The following ALMS1 variants were observed in gnomAD, a reference collection of about 807,000 sequenced individuals.
The protein encoded by ALMS1 is ALMS1 centrosome and basal body associated protein, also known as centrosome-associated protein ALMS1.
In ALMS1, 271 loss-of-function variants were observed where a neutral mutation model predicts 352.2. That is an observed-to-expected ratio of 0.77 (90% CI 0.70 to 0.85). The LOEUF (loss-of-function observed/expected upper bound fraction) is 0.85, where lower values mean the gene tolerates loss of function less well. ALMS1 is among the 40% of genes least tolerant of loss of function. The pLI is 0.00. For missense variants in ALMS1, 5,445 were observed against 4,870.7 expected, an observed-to-expected ratio of 1.12 and a Z score of -3.51; for synonymous variants, 1,865 against 1,761.2, an observed-to-expected ratio of 1.06 and a Z score of -1.48.
intron 9 of ALMS1, among the ~76,000 whole-genome samples, chr2:73,456,613 A>AAACTATTCTCCAGTGATAT (rs1672072227): frequency 6.6e-6 from 1 of 152,160 alleles, no homozygotes; most frequent in Admixed American, 6.5e-5. Flanking sequence ...GATTCATACA[A>AAACTATTCTCCAGTGATAT]AGTTTCTTAG....
At chr2:73,385,822 C>T, upstream of ALMS1, 3 of 682,680 alleles carry the variant, frequency 4.4e-6, no homozygotes, top group Non-Finnish European at 5.3e-6. Context: ...CTTCCCCTCC[C>T]TCCCCCCCTC....
chr2:73,444,618 T>G (rs1347546877), intron 7 of ALMS1, among the ~76,000 whole-genome samples: 4 of 152,242 alleles, frequency 2.6e-5, no homozygotes, highest in African/African-American at 9.6e-5. Context: ...TATTATCTTT[T>G]GAAACTAAGC....
rs1254495717 is a variant in ALMS1, at chr2:73,386,166, G to A, written c.298G>A (p.Glu100Lys). The change falls in exon 1 of 23, where the codon GAG (glutamate) becomes AAG (lysine). Residue 100 changes from glutamate to lysine, a missense_variant. Transcript: ENST00000613296. ...PLSPPQHRYS[E>K]GERTSLEKIV... ...GTCGCCCCCGCAGCACCGCTACTCG[G>A]AGGGCGAGCGGACCTCCCTGGAGAA... 2 of 1,550,184 alleles carry A rather than the reference G, an allele frequency of 1.3e-6. No homozygotes were observed. The highest frequency in any genetic ancestry group is 3.4e-4 in the Middle Eastern group (2 of 5,966).
In ALMS1 at chr2:73,489,702, C is replaced by T. The variant is rs370740871; in HGVS notation, c.7743C>T (p.Ser2581=). The T allele has an allele frequency of 1.4e-5, 22 of 1,613,904 alleles. 1 individual carries two copies. In the South Asian group the frequency reaches 1.9e-4, roughly 14 times the overall value. The change falls in exon 10 of 23, where the codon AGC becomes AGT. Residue 2581 remains serine, a synonymous_variant. Transcript: ENST00000613296. ...TATGTAGTCACATTATTATTGAGAG[C>T]CATGAAAAGGGATGTTTCCGGACTC... The part of the protein sequence containing the change: ...EAVCSHIIIE[S]HEKGCFRTLT...
At position 73,422,839 on chromosome 2, in the gene ALMS1, A is replaced by G; in HGVS notation, c.647-18A>G. 6.3e-7 allele frequency: 1 copy of G among 1,579,322 alleles called. No individual in the cohort carries two copies. Among genetic ancestry groups the G allele is most frequent in the Non-Finnish European group, 8.7e-7 (1 of 1,148,536 alleles). ...AATTTTCAGCATTACCCAGCATTTA[A>G]TATTTGAAACTTTACAGTCATACAA... On this transcript the variant is annotated intron_variant, in intron 3 of 22. Coordinates refer to ENST00000613296, the MANE Select transcript of ALMS1 (RefSeq NM_001378454.1).
intron 10 of ALMS1, among the ~76,000 whole-genome samples, chr2:73,515,545 A>T (rs1039968552): frequency 1.3e-5 from 2 of 152,114 alleles, no homozygotes; most frequent in African/African-American, 2.4e-5. Context: ...AGAGCAAGCC[A>T]ACCCCAAAGC....
chr2:73,559,926 C>A (rs921880648), intron 15 of ALMS1, among the ~76,000 whole-genome samples: 11 of 152,234 alleles, frequency 7.2e-5, no homozygotes, highest in African/African-American at 2.6e-4. Flanking sequence ...AACCATAAAA[C>A]TCCCAGAAGA....
chr2:73,603,966 G>GA (rs1214248176), intron 21 of ALMS1: 1 of 152,628 alleles, frequency 6.6e-6, no homozygotes, highest in Non-Finnish European at 1.5e-5. Context: ...CATAGGGTGA[G>GA]AAAGAACAGT....
chr2:73,485,066 C>T (rs1572964499), intron 9 of ALMS1, among the ~76,000 whole-genome samples: 1 of 152,334 alleles, frequency 6.6e-6, no homozygotes. Context: ...AAGCCTTCTT[C>T]TCTCAGCTCG....
At chr2:73,537,677 G>A (rs1171069871) in intron 12 of ALMS1, among the ~76,000 whole-genome samples, 1 of 152,170 alleles carries the variant, frequency 6.6e-6, no homozygotes, top group Non-Finnish European at 1.5e-5. Context: ...TGAGATGGAA[G>A]TAGAATCTGG....
At chr2:73,464,212 C>A (rs1425426360) in intron 9 of ALMS1, among the ~76,000 whole-genome samples, 1 of 152,180 alleles carries the variant, frequency 6.6e-6, no homozygotes, top group Non-Finnish European at 1.5e-5. Context: ...TACTGGCAAA[C>A]TGAATCCAGC....
At chr2:73,396,032 C>T (rs907110461) in intron 1 of ALMS1, among the ~76,000 whole-genome samples, 1 of 152,094 alleles carries the variant, frequency 6.6e-6, no homozygotes, top group African/African-American at 2.4e-5. Flanking sequence ...CATTCATGGT[C>T]CTCGGCTGTG....
chr2:73,481,491 A>G (rs2103866445), intron 9 of ALMS1, among the ~76,000 whole-genome samples: 1 of 152,242 alleles, frequency 6.6e-6, no homozygotes, highest in South Asian at 2.1e-4. Flanking sequence ...CTTGTAGTAT[A>G]GTTTGAAGTC....
At chr2:73,604,850 T>C (rs1675779200) in intron 21 of ALMS1, among the ~76,000 whole-genome samples, 1 of 152,184 alleles carries the variant, frequency 6.6e-6, no homozygotes, top group African/African-American at 2.4e-5. Flanking sequence ...ATCACTGGTG[T>C]CTTACCACTA....
chr2:73,437,043 T>C (rs1004679428), intron 7 of ALMS1, among the ~76,000 whole-genome samples: 2 of 152,234 alleles, frequency 1.3e-5, no homozygotes, highest in Non-Finnish European at 2.9e-5. Context: ...TTGATATTTT[T>C]GTTGTTTCGT....
chr2:73,557,355 G>T lies in ALMS1; in HGVS notation c.10213+1G>T. On this transcript the variant is annotated splice_donor_variant, in intron 14 of 22. Transcript: ENST00000613296. LOFTEE classifies it high-confidence loss of function. ...GAATCTTTGCAGAAAGATACTGCAG[G>T]TAGCTAAACTGGATTGTCTGCGTAT... 6.2e-7 allele frequency: 1 copy of T among 1,614,066 alleles called. No homozygotes were observed. Among genetic ancestry groups the T allele is most frequent in the South Asian group, 1.1e-5 (1 of 91,076 alleles).
chr2:73,560,846 C>A (rs1244366302), intron 15 of ALMS1, among the ~76,000 whole-genome samples: 3 of 152,096 alleles, frequency 2.0e-5, no homozygotes, highest in African/African-American at 7.2e-5. Context: ...TGGTTTCTCG[C>A]AAATGTTGAG....
At chr2:73,442,590 T>C (rs1472279078) in intron 7 of ALMS1, among the ~76,000 whole-genome samples, 1 of 152,170 alleles carries the variant, frequency 6.6e-6, no homozygotes, top group Non-Finnish European at 1.5e-5. Flanking sequence ...TGGCATATGA[T>C]AAAGGCATGA....
At chr2:73,416,240 T>C (rs1331245652) in intron 2 of ALMS1, among the ~76,000 whole-genome samples, 3 of 152,186 alleles carry the variant, frequency 2.0e-5, no homozygotes, top group Non-Finnish European at 4.4e-5. Flanking sequence ...GTAAAATTAA[T>C]CATTCTCATA....
Sources: allele counts gnomAD v4.1 joint callset (sites outside exome capture counted in the v4.1 genomes callset), GRCh38; gene constraint gnomAD v4.1.1; transcripts MANE v1.5; gene names NCBI Gene and HGNC (gene_info 2026-07-23, HGNC 2026-07-21).